Variants in CDCA2 observed in about 807,000 individuals in gnomAD.
CDCA2 encodes the protein cell division cycle associated 2, also known as cell division cycle-associated protein 2.
In CDCA2, 44 loss-of-function variants were observed where a neutral mutation model predicts 67.0. The observed-to-expected ratio is 0.66, with a 90% CI of 0.52 to 0.84. The LOEUF is 0.84. CDCA2 is among the 40% of genes least tolerant of loss of function. The pLI is 0.00. For missense variants in CDCA2, 1,253 were observed against 1,203.2 expected (o/e 1.04, Z -0.61); for synonymous variants, 447 against 418.7 (o/e 1.07, Z -0.82).
intron 13 of CDCA2, among the ~76,000 whole-genome samples, chr8:25,500,318 C>T (rs949403573): frequency 1.3e-5 from 2 of 150,786 alleles, no homozygotes; most frequent in Admixed American, 1.3e-4. Flanking sequence ...TGGCATTGCC[C>T]ACAGTGTATT....
chr8:25,479,956 T>C lies in CDCA2; in HGVS notation c.864T>C (p.Asp288=). Residue 288 remains aspartate, a synonymous_variant, in exon 8 of 15, where the codon GAT becomes GAC. Coordinates refer to ENST00000330560, the MANE Select transcript of CDCA2 (RefSeq NM_152562.4). ...GTGTAGTGGGCAAAGGATCAAGTGATGCCGTTTCGCCTGACACGTTCACAG... is the reference window on the plus strand; with the variant it reads ...GTGTAGTGGGCAAAGGATCAAGTGACGCCGTTTCGCCTGACACGTTCACAG... ...ADCVVGKGSS[D]AVSPDTFTAE... 1.9e-6 allele frequency: 3 copies of C among 1,614,196 alleles called. No homozygotes were observed. The highest frequency in any genetic ancestry group is 2.5e-6 in the Non-Finnish European group (3 of 1,180,040).
intron 8 of CDCA2, among the ~76,000 whole-genome samples, chr8:25,481,332 G>A (rs1281025066): frequency 1.3e-5 from 2 of 151,992 alleles, no homozygotes; most frequent in African/African-American, 4.8e-5. Context: ...ACGATCCATG[G>A]AACTCTTACT....
rs528737265 is a variant in CDCA2, at chr8:25,495,593, T to C, written c.1671+6904T>C. On this transcript the variant is annotated intron_variant, in intron 13 of 14. Coordinates refer to ENST00000330560, the MANE Select transcript of CDCA2 (RefSeq NM_152562.4). The stretch of plus-strand genomic sequence containing the variant: ...CCACGCCCGGCTAATTTTTTATTTT[T>C]TATTTTTTAGTAGAGACTGGGTTTC... 3.3e-5 allele frequency among the ~76,000 whole-genome samples: 5 copies of C among 152,238 alleles called. No individual in the cohort carries two copies. In the South Asian group the frequency reaches 1.0e-3, roughly 32 times the overall value.
chr8:25,475,111 C>A (rs915709517), intron 7 of CDCA2, among the ~76,000 whole-genome samples: 2 of 152,172 alleles, frequency 1.3e-5, no homozygotes, highest in Admixed American at 1.3e-4. Flanking sequence ...AGTTGCTCCC[C>A]CTAAGCCAAA....
intron 9 of CDCA2, among the ~76,000 whole-genome samples, chr8:25,483,734 G>A (rs781395381): frequency 6.6e-6 from 1 of 152,042 alleles, no homozygotes; most frequent in Non-Finnish European, 1.5e-5. Flanking sequence ...TTTTATTAAC[G>A]TTTAATATGC....
In CDCA2 at chr8:25,462,224, A is replaced by C. The variant is rs778780871; in HGVS notation, c.387+16A>C. 97 of 1,612,632 alleles carry C rather than the reference A, an allele frequency of 6.0e-5. No individual in the cohort carries two copies. The highest frequency in any genetic ancestry group is 7.8e-5 in the Non-Finnish European group (92 of 1,178,866). On this transcript the variant is annotated intron_variant, in intron 4 of 14. Transcript: ENST00000330560. ...TCCTTCCCAGGTATGATTTTCTTCT[A>C]AGTTCTGTCGTGAATTCCGTTAATG...
At chr8:25,485,703 C>A in intron 10 of CDCA2, 56 bp from the exon 11 acceptor site, 1 of 963,890 alleles carries the variant, frequency 1.0e-6, no homozygotes, top group Non-Finnish European at 1.6e-6. Flanking sequence ...CTTTTGGGCA[C>A]ATTATGTATT....
chr8:25,481,003 A>T (rs1803546501), intron 8 of CDCA2, among the ~76,000 whole-genome samples: 1 of 152,242 alleles, frequency 6.6e-6, no homozygotes, highest in South Asian at 2.1e-4. Flanking sequence ...ATTTTAACAT[A>T]CAAGTATGCC....
chr8:25,461,597 G>A (rs1320274342), intron 3 of CDCA2, among the ~76,000 whole-genome samples: 4 of 152,170 alleles, frequency 2.6e-5, no homozygotes, highest in Non-Finnish European at 5.9e-5. Flanking sequence ...ATTCAGGGTA[G>A]TGCTGATGGT....
rs1803507011 is a variant in CDCA2, at chr8:25,480,043, G to T, written c.951G>T (p.Arg317Ser). Reference protein sequence around the residue: ...VRSPATPACRRDLPTPKTFVL... With the variant: ...VRSPATPACRSDLPTPKTFVL... ...CACCAGCTACTCCAGCCTGCAGGAG[G>T]GACCTTCCCACCCCCAAGACCTTTG... Residue 317 changes from arginine (R) to serine (S), a missense_variant, in exon 8 of 15, where the codon AGG becomes AGT. Physicochemically the swap from Arg to Ser is moderately radical, Grantham distance 110. Transcript: ENST00000330560. 15 of 1,614,002 alleles carry T rather than the reference G, an allele frequency of 9.3e-6. No individual in the cohort carries two copies. Among genetic ancestry groups the T allele is most frequent in the Non-Finnish European group, 1.2e-5 (14 of 1,180,048 alleles).
intron 12 of CDCA2, among the ~76,000 whole-genome samples, 160 bp downstream of exon 12, chr8:25,487,494 T>G (rs1803825517): frequency 6.6e-6 from 1 of 152,168 alleles, no homozygotes; most frequent in South Asian, 2.1e-4. Flanking sequence ...GTAATCCCAA[T>G]GCTTTGGGAG....
chr8:25,501,580 C>T (rs1338911614), intron 13 of CDCA2, among the ~76,000 whole-genome samples: 1 of 152,232 alleles, frequency 6.6e-6, no homozygotes, highest in African/African-American at 2.4e-5. Flanking sequence ...ATTCCCTTCT[C>T]TTTGAAGAGC....
chr8:25,467,606 C>T (rs1033928539), intron 5 of CDCA2, among the ~76,000 whole-genome samples: 19 of 152,112 alleles, frequency 1.2e-4, no homozygotes. Context: ...ATTTAAAAAG[C>T]GTGAGGTACC....
chr8:25,487,464 A>G (rs2117523268), intron 12 of CDCA2, 130 bp downstream of exon 12: 1 of 651,310 alleles, frequency 1.5e-6, no homozygotes. Context: ...TACTTTGGCC[A>G]GGCACCGTGG....
At chr8:25,495,059 T>C (rs1425036350) in intron 13 of CDCA2, among the ~76,000 whole-genome samples, 1 of 152,172 alleles carries the variant, frequency 6.6e-6, no homozygotes, top group African/African-American at 2.4e-5. Context: ...TTTATTACAG[T>C]AGCCTTACAA....
At position 25,462,055 on chromosome 8, in the gene CDCA2, A is replaced by C. The variant is rs769313423; in HGVS notation, c.234A>C (p.Gly78=). Reference sequence around the variant, plus strand: ...ATTTATAAGAGAGTTTCATTACAGGAAAGTCATCATCCTACCTTAAAAAAT... The same window carrying C: ...ATTTATAAGAGAGTTTCATTACAGGCAAGTCATCATCCTACCTTAAAAAAT... ...TPESFVRNSA[G]KSSSYLKKCR... Residue 78 remains glycine (G), a splice_region_variant and synonymous_variant, in exon 4 of 15, where the codon GGA becomes GGC. Transcript: ENST00000330560. The C allele has an allele frequency of 1.9e-6, 3 of 1,612,600 alleles. No individual in the cohort carries two copies.
intron 13 of CDCA2, among the ~76,000 whole-genome samples, chr8:25,498,701 T>C (rs547749620): frequency 6.6e-6 from 1 of 152,178 alleles, no homozygotes; most frequent in East Asian, 1.9e-4. Context: ...TGGCCCTTTG[T>C]AGCTACATCC....
chr8:25,506,627 A>G lies in CDCA2; in HGVS notation c.1961A>G (p.Tyr654Cys). The G allele has an allele frequency of 6.2e-7, 1 of 1,613,456 alleles. No homozygotes were observed. Among genetic ancestry groups the G allele is most frequent in the Non-Finnish European group, 8.5e-7 (1 of 1,179,888 alleles). Residue 654 changes from tyrosine to cysteine, a missense_variant, in exon 15 of 15, where the codon TAT becomes TGT. By Grantham distance (194) the Tyr-to-Cys change is radical. Coordinates refer to ENST00000330560, the MANE Select transcript of CDCA2 (RefSeq NM_152562.4). ...CATATGCATCAAGGCTATGATAAATATGATGTCTCTGAATTCTGCTCTTAT... is the reference window on the plus strand; with the variant it reads ...CATATGCATCAAGGCTATGATAAATGTGATGTCTCTGAATTCTGCTCTTAT... ...DLHMHQGYDK[Y>C]DVSEFCSYIK...
chr8:25,464,051 A>G (rs770478152), intron 4 of CDCA2, among the ~76,000 whole-genome samples: 19 of 152,188 alleles, frequency 1.2e-4, no homozygotes, highest in Non-Finnish European at 2.6e-4. Flanking sequence ...CACATTCCTG[A>G]TATTTCTTCT....
Sources: allele counts gnomAD v4.1 joint callset (sites outside exome capture counted in the v4.1 genomes callset), GRCh38; gene constraint gnomAD v4.1.1; transcripts MANE v1.5; gene names NCBI Gene and HGNC (gene_info 2026-07-23, HGNC 2026-07-21).